The following PPP6R3 variants were observed in gnomAD, a reference collection of about 807,000 sequenced individuals.
PPP6R3 encodes protein phosphatase 6 regulatory subunit 3, also known as serine/threonine-protein phosphatase 6 regulatory subunit 3.
PPP6R3 carries 38 observed loss-of-function variants against 110.7 expected under a neutral mutation model. That is an observed-to-expected ratio of 0.34 (90% CI 0.26 to 0.45). PPP6R3 has a LOEUF of 0.45. Ranked by LOEUF, PPP6R3 falls within the 20% of genes least tolerant of loss-of-function variation. The pLI, the probability that PPP6R3 is intolerant of heterozygous loss-of-function variation, is 1.00. For synonymous variants in PPP6R3, 369 were observed against 373.5 expected, an observed-to-expected ratio of 0.99 and a Z score of 0.14; for missense variants, 870 against 1,062.4, an observed-to-expected ratio of 0.82 and a Z score of 2.52.
At chr11:68,520,932 C>T (rs955965454) in intron 2 of PPP6R3, among the ~76,000 whole-genome samples, 10 of 152,076 alleles carry the variant, frequency 6.6e-5, no homozygotes, top group East Asian at 1.9e-4. Context: ...CCACCACGCC[C>T]GGCTAATTTT....
chr11:68,557,706 A>G (rs1259834051), intron 7 of PPP6R3, among the ~76,000 whole-genome samples: 3 of 151,934 alleles, frequency 2.0e-5, no homozygotes, highest in East Asian at 1.9e-4. Flanking sequence ...TTTTAGTAGA[A>G]ATGGGGTTTC....
intron 2 of PPP6R3, among the ~76,000 whole-genome samples, chr11:68,529,759 A>G (rs1410552799): frequency 1.3e-5 from 2 of 152,222 alleles, no homozygotes; most frequent in African/African-American, 2.4e-5. Context: ...AATATACATG[A>G]TATCTCCTGT....
intron 1 of PPP6R3, among the ~76,000 whole-genome samples, chr11:68,500,643 A>G (rs769180252): frequency 5.9e-5 from 9 of 152,040 alleles, no homozygotes; most frequent in East Asian, 1.9e-4. Context: ...ACGCCCGGCT[A>G]ATTTTTGTAT....
At chr11:68,566,237 GGCTGCTGCTGCTGCT>G (rs59680768) in intron 9 of PPP6R3, among the ~76,000 whole-genome samples, 2 of 151,152 alleles carry the variant, frequency 1.3e-5, no homozygotes, top group Non-Finnish European at 3.0e-5. Flanking sequence ...CCACCACCAC[GGCTGCTGCTGCTGCT>G]GCTGCTGCTG....
chr11:68,578,020 C>T (rs1308193281), intron 14 of PPP6R3, among the ~76,000 whole-genome samples: 3 of 152,122 alleles, frequency 2.0e-5, no homozygotes, highest in Non-Finnish European at 4.4e-5. Context: ...TTCTTCAATT[C>T]TTTATTCCCG....
chr11:68,584,942 C>T (rs935263287), intron 15 of PPP6R3, among the ~76,000 whole-genome samples: 1 of 152,164 alleles, frequency 6.6e-6, no homozygotes, highest in Non-Finnish European at 1.5e-5. Context: ...CAAAAAAGGT[C>T]TTGGTTAATT....
chr11:68,536,229 A>C (rs1002615220), intron 2 of PPP6R3, among the ~76,000 whole-genome samples: 1 of 152,006 alleles, frequency 6.6e-6, no homozygotes, highest in Non-Finnish European at 1.5e-5. Flanking sequence ...TAAAATCAGG[A>C]TGTATTCCTG....
intron 19 of PPP6R3, among the ~76,000 whole-genome samples, chr11:68,596,910 C>G (rs1287443215): frequency 6.6e-6 from 1 of 152,198 alleles, no homozygotes; most frequent in Admixed American, 6.5e-5. Context: ...TAGGGTGGAC[C>G]TTGTGGTGAC....
chr11:68,476,779 T>C (rs1298180669), intron 1 of PPP6R3, among the ~76,000 whole-genome samples: 5 of 152,126 alleles, frequency 3.3e-5, no homozygotes, highest in African/African-American at 1.2e-4. Context: ...TCCCAGCACT[T>C]TGGAAAACCT....
intron 1 of PPP6R3, among the ~76,000 whole-genome samples, chr11:68,464,048 A>G (rs1432021700): frequency 6.6e-6 from 1 of 152,234 alleles, no homozygotes; most frequent in Non-Finnish European, 1.5e-5. Flanking sequence ...ACTGGCCTAC[A>G]TTAGAATAAG....
chr11:68,580,385 C>T (rs2099548681), intron 14 of PPP6R3, among the ~76,000 whole-genome samples: 1 of 152,160 alleles, frequency 6.6e-6, no homozygotes, highest in Non-Finnish European at 1.5e-5. Flanking sequence ...TGAGAACAGA[C>T]TGCTAGGTGG....
intron 15 of PPP6R3, among the ~76,000 whole-genome samples, chr11:68,585,915 A>G (rs529377622): frequency 6.6e-6 from 1 of 152,164 alleles, no homozygotes; most frequent in Non-Finnish European, 1.5e-5. Context: ...ATTTTGGGGA[A>G]TATTTCTTCC....
At chr11:68,594,223 T>C (rs1326991305) in intron 18 of PPP6R3, among the ~76,000 whole-genome samples, 1 of 150,568 alleles carries the variant, frequency 6.6e-6, no homozygotes, top group Non-Finnish European at 1.5e-5. Flanking sequence ...AATAACTGCA[T>C]TCTAGCCTAA....
chr11:68,508,524 T>C (rs746855350), intron 1 of PPP6R3, among the ~76,000 whole-genome samples: 1 of 152,050 alleles, frequency 6.6e-6, no homozygotes, highest in Non-Finnish European at 1.5e-5. Flanking sequence ...ATGATAATAA[T>C]AGGATGGAAA....
At chr11:68,549,133 C>T (rs1226081450) in intron 5 of PPP6R3, among the ~76,000 whole-genome samples, 6 of 152,172 alleles carry the variant, frequency 3.9e-5, no homozygotes, top group East Asian at 1.9e-4. Flanking sequence ...TCAGGTGATC[C>T]GCCCGCCTGG....
At chr11:68,590,591 T>G in intron 16 of PPP6R3, 69 bp from the exon 17 acceptor site, 1 of 1,441,720 alleles carries the variant, frequency 6.9e-7, no homozygotes, top group Non-Finnish European at 9.3e-7. Context: ...TTGGAAACTT[T>G]CATAAATACG....
rs183318646 is a variant in PPP6R3, at chr11:68,478,200, A to G, written c.-158+17373A>G. On this transcript the variant is annotated intron_variant, in intron 1 of 23. Transcript: ENST00000393800. ...CCTGATCTCGTGATACACCTGCCTC[A>G]GCCTTCCAAAGTTCTGGGATTACAG... Among the ~76,000 whole-genome samples the G allele has an allele frequency of 1.6e-4, 24 of 152,062 alleles. No homozygotes were observed. In the South Asian group the frequency reaches 1.9e-3, roughly 12 times the overall value.
At chr11:68,486,537 G>A (rs531721702) in intron 1 of PPP6R3, among the ~76,000 whole-genome samples, 8 of 150,898 alleles carry the variant, frequency 5.3e-5, no homozygotes, top group Middle Eastern at 6.9e-3. Context: ...CCCGGGAGGC[G>A]GAGCTTGCAG....
At chr11:68,544,202 A>G (rs2099335675) in intron 3 of PPP6R3, among the ~76,000 whole-genome samples, 1 of 152,132 alleles carries the variant, frequency 6.6e-6, no homozygotes, top group Non-Finnish European at 1.5e-5. Flanking sequence ...GTGATCCTCT[A>G]ATCTCAGCCT....
Sources: gnomAD v4.1 joint callset for allele counts (sites outside exome capture counted in the v4.1 genomes callset) on GRCh38, gnomAD v4.1.1 for gene constraint, MANE v1.5 for transcripts, NCBI Gene and HGNC (gene_info 2026-07-23, HGNC 2026-07-21) for gene names.